PTPRT: variants seen among roughly 807,000 people sequenced by gnomAD.
PTPRT encodes receptor-type tyrosine-protein phosphatase T.
A neutral mutation model predicts 176.8 loss-of-function variants in PTPRT; 56 were observed. The observed-to-expected ratio is 0.32, with a 90% confidence interval of 0.26 to 0.40. PTPRT has a LOEUF of 0.40. PTPRT is among the 10% of genes least tolerant of loss of function. The pLI is 1.00. For missense variants in PTPRT, 1,540 were observed against 1,908.2 expected (o/e 0.81, Z 3.60); for synonymous variants, 783 against 739.0 (o/e 1.06, Z -0.96).
At chr20:42,364,129 A>C (rs1419712790) in intron 9 of PTPRT, among the ~76,000 whole-genome samples, 2 of 152,158 alleles carry the variant, frequency 1.3e-5, no homozygotes, top group Non-Finnish European at 2.9e-5. Flanking sequence ...AGCACCCCAG[A>C]GGGGTTTTCT....
chr20:42,630,673 T>A (rs2074386496), intron 7 of PTPRT, among the ~76,000 whole-genome samples: 1 of 152,190 alleles, frequency 6.6e-6, no homozygotes, highest in Non-Finnish European at 1.5e-5. Context: ...AATCATACAT[T>A]ATTTATCCAC....
chr20:42,180,584 A>T (rs895415488), intron 16 of PTPRT, among the ~76,000 whole-genome samples: 3 of 152,176 alleles, frequency 2.0e-5, no homozygotes, highest in African/African-American at 7.2e-5. Context: ...GGGAATTTTT[A>T]ATTTCTGTAT....
chr20:42,432,981 C>A (rs986752660), intron 9 of PTPRT, among the ~76,000 whole-genome samples: 49 of 152,282 alleles, frequency 3.2e-4, no homozygotes, highest in African/African-American at 1.0e-3. Context: ...TCAGAATAAA[C>A]CTTTTTAAAA....
chr20:42,550,482 A>C lies in PTPRT; in HGVS notation c.1154-77920T>G, dbSNP rs115928297. On this transcript the variant is annotated intron_variant, in intron 7 of 30. Coordinates refer to ENST00000373187, the MANE Select transcript of PTPRT (RefSeq NM_007050.6). ...TTTTAGTTGAGTTTCTATCAGTTGAATCCAATAGAATAGATATCCCACCTC... is the reference window on the plus strand; with the variant it reads ...TTTTAGTTGAGTTTCTATCAGTTGACTCCAATAGAATAGATATCCCACCTC... 7.5e-3 allele frequency among the ~76,000 whole-genome samples: 1,147 copies of C among 152,138 alleles called. 26 individuals are homozygous for C. Among genetic ancestry groups the C allele is most frequent in the African/African-American group, 0.027 (1,115 of 41,488 alleles).
At chr20:42,184,518 C>CTTCTTCTTCTTCCTCTTCTT (rs1555797923) in intron 16 of PTPRT, among the ~76,000 whole-genome samples, 2 of 54,398 alleles carry the variant, frequency 3.7e-5, no homozygotes, top group Non-Finnish European at 9.2e-5. Context: ...TCCTCCTCCT[C>CTTCTTCTTCTTCCTCTTCTT]CTTCTTCTTC....
chr20:43,130,088 ATGT>A (rs879259245), intron 1 of PTPRT, among the ~76,000 whole-genome samples: 19 of 152,230 alleles, frequency 1.2e-4, no homozygotes, highest in Non-Finnish European at 2.4e-4. Context: ...AAAGAAAAGA[ATGT>A]TGTGAAAATA....
rs369298024 is a variant in PTPRT at position 42,853,345 on chromosome 20, T to C, written c.214+32462A>G. Among the ~76,000 whole-genome samples, 10 of 152,282 alleles carry C rather than the reference T, an allele frequency of 6.6e-5. No homozygotes were observed. In the East Asian group the frequency reaches 1.2e-3, roughly 18 times the overall value. ...TTATGGAGGCCAGGAAGTCCCCCAG[T>C]ATGCTGTCTGCAAGCTGGAGAATCA... On this transcript the variant is annotated intron_variant, in intron 2 of 30. Coordinates refer to ENST00000373187, the MANE Select transcript of PTPRT (RefSeq NM_007050.6).
At chr20:42,495,317 C>T (rs1293650226) in intron 7 of PTPRT, among the ~76,000 whole-genome samples, 2 of 152,164 alleles carry the variant, frequency 1.3e-5, no homozygotes, top group African/African-American at 4.8e-5. Flanking sequence ...GGGCACCTAG[C>T]CCTCTACCCT....
intron 9 of PTPRT, among the ~76,000 whole-genome samples, chr20:42,366,463 T>C (rs2058515977): frequency 6.6e-6 from 1 of 152,314 alleles, no homozygotes; most frequent in East Asian, 1.9e-4. Flanking sequence ...CACTGGCCAG[T>C]AGGGTCCATT....
At chr20:42,923,486 A>G (rs1221057850) in intron 1 of PTPRT, among the ~76,000 whole-genome samples, 1 of 152,232 alleles carries the variant, frequency 6.6e-6, no homozygotes, top group African/African-American at 2.4e-5. Context: ...TCTGCACATT[A>G]CTTTCCAGGT....
intron 9 of PTPRT, among the ~76,000 whole-genome samples, chr20:42,424,486 G>C (rs1427553071): frequency 6.6e-6 from 1 of 152,170 alleles, no homozygotes; most frequent in Non-Finnish European, 1.5e-5. Flanking sequence ...AGGGATACTT[G>C]TCTGAGGGGG....
chr20:42,767,977 TACACACACACACAC>T (rs35599788), intron 5 of PTPRT, among the ~76,000 whole-genome samples: 4,185 of 125,240 alleles, frequency 0.033, 97 homozygotes, highest in Non-Finnish European at 0.049. Flanking sequence ...TATAAAATTA[TACACACACACACAC>T]ACACACACAC....
At chr20:42,668,636 G>T (rs946726408) in intron 7 of PTPRT, among the ~76,000 whole-genome samples, 3 of 152,008 alleles carry the variant, frequency 2.0e-5, no homozygotes, top group African/African-American at 7.2e-5. Context: ...GAGAGGGTCT[G>T]CAAGAAGAGG....
At chr20:42,251,063 T>C (rs2056543541) in intron 13 of PTPRT, among the ~76,000 whole-genome samples, 4 of 152,222 alleles carry the variant, frequency 2.6e-5, no homozygotes, top group Admixed American at 2.6e-4. Context: ...ACATGATTTC[T>C]GAGATGTGGC....
chr20:42,909,669 T>C (rs1427261046), intron 1 of PTPRT, among the ~76,000 whole-genome samples: 4 of 152,158 alleles, frequency 2.6e-5, no homozygotes, highest in Non-Finnish European at 5.9e-5. Context: ...TGGAGGCACC[T>C]GAGACCCATC....
chr20:42,196,569 C>T (rs561296258), intron 16 of PTPRT, among the ~76,000 whole-genome samples: 1 of 152,240 alleles, frequency 6.6e-6, no homozygotes, highest in African/African-American at 2.4e-5. Flanking sequence ...GAACTTATTC[C>T]TCCTAGCTAC....
chr20:42,567,607 TACA>T lies in PTPRT; in HGVS notation c.1154-95048_1154-95046del, dbSNP rs201204980. Among the ~76,000 whole-genome samples the T allele has an allele frequency of 4.5e-4, 68 of 152,340 alleles. No individual in the cohort carries two copies. The East Asian group carries it at 0.012, about 27-fold the overall frequency. On this transcript the variant is annotated intron_variant, in intron 7 of 30. Transcript: ENST00000373187. ...TCAGAAGCCTTGTCTGCTTCACAGC[TACA>T]ACATTCCTCATGGTGTTCAGAAATA...
In PTPRT at chr20:42,788,627, C is replaced by T. The variant is rs151037676; in HGVS notation, c.486+2568G>A. ...TGTTCGACAGTCATTGCCATTATAT[C>T]TCATTATTTACTCCTTTAAGTCTCC... On this transcript the variant is annotated intron_variant, in intron 3 of 30. Coordinates refer to ENST00000373187, the MANE Select transcript of PTPRT (RefSeq NM_007050.6). Among the ~76,000 whole-genome samples the T allele has an allele frequency of 1.3e-3, 201 of 152,270 alleles. 1 individual carries two copies. Among genetic ancestry groups the T allele is most frequent in the Non-Finnish European group, 2.2e-3 (149 of 68,028 alleles).
intron 2 of PTPRT, among the ~76,000 whole-genome samples, chr20:42,857,478 T>A (rs192984541): frequency 2.6e-5 from 4 of 152,364 alleles, no homozygotes; most frequent in Non-Finnish European, 5.9e-5. Context: ...TTAACCTTTT[T>A]GCAAGCATCA....
Sources: gnomAD v4.1 joint callset for allele counts (sites outside exome capture counted in the v4.1 genomes callset) on GRCh38, gnomAD v4.1.1 for gene constraint, MANE v1.5 for transcripts, NCBI Gene and HGNC (gene_info 2026-07-23, HGNC 2026-07-21) for gene names.